SYNE1: variants seen among roughly 807,000 people sequenced by gnomAD.
SYNE1 encodes nesprin-1.
SYNE1 carries 616 observed loss-of-function variants against 1,111.0 expected under a neutral mutation model. The ratio of observed to expected loss-of-function variants is 0.55; its 90% CI spans 0.52 to 0.59. The LOEUF (loss-of-function observed/expected upper bound fraction) is 0.59, where lower values mean the gene tolerates loss of function less well. SYNE1 is among the 20% of genes least tolerant of loss of function. SYNE1 has a pLI of 0.00. For synonymous variants in SYNE1, 3,855 were observed against 3,825.8 expected, an observed-to-expected ratio of 1.01 and a Z score of -0.28; for missense variants, 10,006 against 10,417.0, an observed-to-expected ratio of 0.96 and a Z score of 1.72.
At position 152,122,022 on chromosome 6, in the gene SYNE1, A is replaced by G; in HGVS notation, c.*414T>C. 3.9e-6 allele frequency: 1 copy of G among 254,492 alleles called. No individual in the cohort carries two copies. 15.8% of individuals were successfully genotyped at this position (254,492 alleles called of 1,614,324 possible). ...CAGCACTGGTTGGTTGGTAGATTGT[A>G]CGACACTGACATGGTGCTTGGGAGG... On this transcript the variant is annotated 3_prime_UTR_variant, in exon 146 of 146. Transcript: ENST00000367255.
chr6:152,520,415 C>T (rs762437682), intron 6 of SYNE1, 44 bp downstream of exon 6: 1 of 1,596,282 alleles, frequency 6.3e-7, no homozygotes, highest in East Asian at 2.2e-5. Context: ...ATAAGTATGC[C>T]CACACCTTCT....
chr6:152,306,484 T>TAAAA (rs2095379021), intron 91 of SYNE1, among the ~76,000 whole-genome samples: 1 of 82,676 alleles, frequency 1.2e-5, no homozygotes, highest in African/African-American at 4.7e-5. Context: ...AGACTCCATC[T>TAAAA]AAAAAATAAA....
In SYNE1 at chr6:152,331,176, G is replaced by T. The variant is rs1384503601; in HGVS notation, c.13509C>A (p.Leu4503=). ...CAGTGACTTCATTTTGGTAAGTCTT[G>T]AGGCTGGCTTGTGCACTCTTACATG... ...VKTCKSAQAS[L]KTYQNEVTGL... Residue 4503 remains leucine, a synonymous_variant, in exon 78 of 146, where the codon CTC becomes CTA. Transcript: ENST00000367255. 1.2e-6 allele frequency: 2 copies of T among 1,614,044 alleles called. No individual in the cohort carries two copies. The highest frequency in any genetic ancestry group is 1.7e-6 in the Non-Finnish European group (2 of 1,180,044).
chr6:152,368,844 C>T, intron 61 of SYNE1, 128 bp downstream of exon 61: 1 of 1,149,870 alleles, frequency 8.7e-7, no homozygotes, highest in Non-Finnish European at 1.3e-6. Context: ...ACACACGCCC[C>T]TTACTGCTGA....
intron 117 of SYNE1, 137 bp downstream of exon 117, chr6:152,224,357 T>A: frequency 6.7e-6 from 6 of 900,192 alleles, no homozygotes; most frequent in Non-Finnish European, 1.0e-5. Context: ...ACAGGTAAAA[T>A]TAATTTTAAA....
At chr6:152,570,059 T>C (rs113488015) in intron 3 of SYNE1, among the ~76,000 whole-genome samples, 6 of 152,302 alleles carry the variant, frequency 3.9e-5, no homozygotes, top group African/African-American at 1.4e-4. Context: ...AGCATAAGTC[T>C]AGCAATTATT....
intron 91 of SYNE1, among the ~76,000 whole-genome samples, chr6:152,303,402 CAAAA>C (rs373230705): frequency 8.3e-6 from 1 of 120,424 alleles, no homozygotes; most frequent in Non-Finnish European, 1.7e-5. Flanking sequence ...GACTCTGTCT[CAAAA>C]AAAAAAAAAA....
At chr6:152,573,959 CTG>C (rs1447020491) in intron 3 of SYNE1, among the ~76,000 whole-genome samples, 2 of 152,040 alleles carry the variant, frequency 1.3e-5, no homozygotes, top group African/African-American at 4.8e-5. Flanking sequence ...ACTTTACGGG[CTG>C]TGGGAGCTGG....
In SYNE1 at chr6:152,339,298, G is replaced by A; in HGVS notation, c.12294C>T (p.Asp4098=). The A allele has an allele frequency of 6.2e-7, 1 of 1,614,072 alleles. No homozygotes were observed. The highest frequency in any genetic ancestry group is 8.5e-7 in the Non-Finnish European group (1 of 1,179,952). ...TYLDLLCSMC[D]LSNASVKTTA... Reference sequence around the variant, plus strand: ...TGGTTTTCACCGAAGCATTTGACAGGTCACACATGGAGCAAAGGAGATCTA... The same window carrying A: ...TGGTTTTCACCGAAGCATTTGACAGATCACACATGGAGCAAAGGAGATCTA... Residue 4098 remains aspartate, a synonymous_variant, in exon 75 of 146, where the codon GAC becomes GAT. Transcript: ENST00000367255.
intron 52 of SYNE1, 145 bp downstream of exon 52, chr6:152,391,132 A>C: frequency 8.9e-7 from 1 of 1,120,340 alleles, no homozygotes; most frequent in Non-Finnish European, 1.3e-6. Context: ...ATGCCTCTGT[A>C]TCCTTTTTTG....
chr6:152,334,164 T>A lies in SYNE1; in HGVS notation c.12638A>T (p.His4213Leu), dbSNP rs1032510868. The part of the protein sequence containing the change: ...EESPEHKEIN[H>L]LNDQWLDLCR... Reference sequence around the variant, plus strand: ...CAAATCGAGCCACTGATCATTTAAATGATTTATTTCCTTGTGTTCAGGCGA... The same window carrying A: ...CAAATCGAGCCACTGATCATTTAAAAGATTTATTTCCTTGTGTTCAGGCGA... The change falls in exon 77 of 146, where the codon CAT becomes CTT. Residue 4213 changes from histidine (H) to leucine (L), a missense_variant. By Grantham distance (99) the His-to-Leu change is moderately conservative (BLOSUM62 -3). Around this residue, in one of 7 missense-constraint regions of SYNE1, gnomAD observed 4,955 missense variants for 5,017.2 expected, o/e 0.99. Transcript: ENST00000367255. 1.2e-6 allele frequency: 2 copies of A among 1,614,070 alleles called. No individual in the cohort carries two copies. The highest frequency in any genetic ancestry group is 1.7e-6 in the Non-Finnish European group (2 of 1,180,042).
At position 152,164,248 on chromosome 6, in the gene SYNE1, G is replaced by A. The variant is rs1430159799; in HGVS notation, c.23705C>T (p.Ala7902Val). ...CTTGGCCAGCTCTGACTCGATGTGA[G>A]CGAGCCAGGTCCTCAGGCTGCTCAT... is the stretch of plus-strand genomic sequence containing the variant. ...KNMSSLRTWLAHIESELAKPI... is the reference protein window; with the variant it reads ...KNMSSLRTWLVHIESELAKPI... Residue 7902 changes from alanine to valine, a missense_variant, in exon 131 of 146, where the codon GCT becomes GTT. Physicochemically the swap from Ala to Val is moderately conservative, Grantham distance 64. Coordinates refer to ENST00000367255, the MANE Select transcript of SYNE1 (RefSeq NM_182961.4). 6.2e-7 allele frequency: 1 copy of A among 1,614,190 alleles called. No homozygotes were observed. The highest frequency in any genetic ancestry group is 8.5e-7 in the Non-Finnish European group (1 of 1,180,044).
At chr6:152,366,971 A>G (rs558846912) in intron 62 of SYNE1, 1 of 671,320 alleles carries the variant, frequency 1.5e-6, no homozygotes, top group South Asian at 1.5e-5. Flanking sequence ...CTAGCCTCTT[A>G]ACAAGTGATC....
In SYNE1 at chr6:152,429,525, C is replaced by T. The variant is rs575913370; in HGVS notation, c.4788+587G>A. 3.9e-4 allele frequency among the ~76,000 whole-genome samples: 59 copies of T among 152,192 alleles called. 1 individual carries two copies. Among genetic ancestry groups the T allele is most frequent in the African/African-American group, 1.2e-3 (51 of 41,516 alleles). On this transcript the variant is annotated intron_variant, in intron 36 of 145. Coordinates refer to ENST00000367255, the MANE Select transcript of SYNE1 (RefSeq NM_182961.4). ...TATTACATACACCTTTATAAATGTT[C>T]GTGCACACATGAACATGCAATATGA...
At chr6:152,300,858 C>G in intron 92 of SYNE1, 77 bp from the exon 93 acceptor site, 2 of 1,602,150 alleles carry the variant, frequency 1.2e-6, no homozygotes, top group Non-Finnish European at 1.7e-6. Flanking sequence ...AGGCACAGGC[C>G]AAAACAGAGT....
intron 127 of SYNE1, among the ~76,000 whole-genome samples, chr6:152,194,715 C>T (rs546524252): frequency 7.8e-4 from 118 of 152,120 alleles, no homozygotes; most frequent in African/African-American, 2.7e-3. Flanking sequence ...CATTTGTCTC[C>T]TCTGACTGCG....
intron 6 of SYNE1, among the ~76,000 whole-genome samples, chr6:152,518,387 A>T (rs549446441): frequency 1.3e-5 from 2 of 151,978 alleles, no homozygotes; most frequent in South Asian, 4.2e-4. Context: ...TCCACACAAT[A>T]GTGAGTGAGT....
At chr6:152,575,489 T>C (rs2099492682) in intron 3 of SYNE1, among the ~76,000 whole-genome samples, 1 of 152,160 alleles carries the variant, frequency 6.6e-6, no homozygotes. Flanking sequence ...AAACCACAGC[T>C]TTAGAATCTT....
intron 3 of SYNE1, among the ~76,000 whole-genome samples, chr6:152,583,531 A>G (rs1352525094): frequency 6.6e-6 from 1 of 152,218 alleles, no homozygotes; most frequent in Non-Finnish European, 1.5e-5. Context: ...AACAATTCCA[A>G]TGTGTGGGAC....
Sources: allele counts gnomAD v4.1 joint callset (sites outside exome capture counted in the v4.1 genomes callset), GRCh38; gene constraint gnomAD v4.1.1; regional missense constraint gnomAD v4.1.1; transcripts MANE v1.5; gene names NCBI Gene and HGNC (gene_info 2026-07-23, HGNC 2026-07-21).